Variants in TPTE observed in about 807,000 individuals in gnomAD.
TPTE encodes transmembrane phosphatase with tensin homology, also known as putative tyrosine-protein phosphatase TPTE.
In TPTE, 59 loss-of-function variants were observed where a neutral mutation model predicts 84.1. The observed-to-expected ratio is 0.70, with a 90% confidence interval of 0.57 to 0.87. TPTE has a LOEUF of 0.87. Ranked by LOEUF, TPTE falls within the 40% of genes least tolerant of loss-of-function variation. The pLI, the probability that TPTE is intolerant of heterozygous loss-of-function variation, is 0.00. For missense variants in TPTE, 382 were observed against 659.6 expected (o/e 0.58, Z 4.61); for synonymous variants, 130 against 223.5 (o/e 0.58, Z 3.73).
chr21:10,583,451 A>G (rs528911148), intron 17 of TPTE, among the ~76,000 whole-genome samples: 1 of 152,416 alleles, frequency 6.6e-6, no homozygotes, highest in Non-Finnish European at 1.5e-5. Context: ...TCCCGATTGT[A>G]GTTCTTTGTG....
intron 10 of TPTE, among the ~76,000 whole-genome samples, chr21:10,562,348 C>A (rs1201077460): frequency 4.6e-5 from 7 of 152,300 alleles, no homozygotes; most frequent in Admixed American, 3.3e-4. Flanking sequence ...AATGCCCAGA[C>A]ACCAAAGAAC....
At chr21:10,522,740 A>ATT (rs2074006014) in intron 1 of TPTE, among the ~76,000 whole-genome samples, 1 of 152,308 alleles carries the variant, frequency 6.6e-6, no homozygotes, top group Admixed American at 6.5e-5. Flanking sequence ...CAAAATTTTA[A>ATT]TTCGCACATA....
At chr21:10,536,215 T>A (rs1394216031) in intron 3 of TPTE, among the ~76,000 whole-genome samples, 17 of 152,290 alleles carry the variant, frequency 1.1e-4, no homozygotes, top group Admixed American at 1.1e-3. Context: ...GAGGTGGAGG[T>A]TGCAGTGAGC....
chr21:10,576,831 A>G (rs1185703222), intron 14 of TPTE, among the ~76,000 whole-genome samples: 2 of 141,128 alleles, frequency 1.4e-5, no homozygotes, highest in African/African-American at 2.6e-5. Context: ...AAGGTTATAC[A>G]TATATACATA....
intron 17 of TPTE, among the ~76,000 whole-genome samples, chr21:10,584,350 T>A (rs1434139454): frequency 6.6e-6 from 1 of 152,264 alleles, no homozygotes; most frequent in Non-Finnish European, 1.5e-5. Context: ...TTTTTTTTTT[T>A]TTTTTTGAGG....
chr21:10,575,029 C>T (rs1462173967), intron 14 of TPTE, among the ~76,000 whole-genome samples: 2 of 152,312 alleles, frequency 1.3e-5, no homozygotes, highest in African/African-American at 2.4e-5. Context: ...CTTGGCACCT[C>T]ACAAGTTAAG....
chr21:10,589,487 G>A (rs1169649188), intron 17 of TPTE, among the ~76,000 whole-genome samples: 3 of 151,876 alleles, frequency 2.0e-5, no homozygotes, highest in Admixed American at 6.5e-5. Flanking sequence ...GGGGTAGGGG[G>A]ATTGGGGGCA....
Position 10,559,547 on chromosome 21 carries a change from A to G in TPTE, c.284+3A>G, listed in dbSNP as rs375461239. On this transcript the variant is annotated splice_donor_region_variant and intron_variant, in intron 9 of 23. Coordinates refer to ENST00000618007, the MANE Select transcript of TPTE (RefSeq NM_199261.4). ...ATTGTATCATCCTTTGCATTTGGGT[A>G]TGTGAGACATAGAAAACACCATGTA... The G allele has an allele frequency of 8.7e-5, 141 of 1,611,838 alleles. No homozygotes were observed. Among genetic ancestry groups the G allele is most frequent in the Non-Finnish European group, 1.1e-4 (132 of 1,179,740 alleles).
intron 7 of TPTE, among the ~76,000 whole-genome samples, chr21:10,551,588 CAG>C (rs1296918137): frequency 5.3e-5 from 8 of 152,280 alleles, no homozygotes; most frequent in African/African-American, 1.9e-4. Context: ...GAAGACCAAA[CAG>C]AAATAAACAC....
chr21:10,599,946 C>T (rs1333208974), intron 21 of TPTE, among the ~76,000 whole-genome samples: 1 of 152,296 alleles, frequency 6.6e-6, no homozygotes, highest in African/African-American at 2.4e-5. Context: ...CAGCCTCAAC[C>T]TCCTGAGCTC....
At chr21:10,572,472 AGGAAAT>A (rs2075065599) in intron 14 of TPTE, among the ~76,000 whole-genome samples, 1 of 151,252 alleles carries the variant, frequency 6.6e-6, no homozygotes, top group African/African-American at 2.4e-5. Context: ...AAAAAAAAAA[AGGAAAT>A]GTTAAAAACA....
At chr21:10,564,906 GA>G (rs1340714817) in intron 10 of TPTE, among the ~76,000 whole-genome samples, 2 of 152,426 alleles carry the variant, frequency 1.3e-5, no homozygotes, top group African/African-American at 4.8e-5. Flanking sequence ...ACTGAATGGG[GA>G]AAAAATGAAA....
intron 14 of TPTE, among the ~76,000 whole-genome samples, chr21:10,574,278 C>T (rs534346780): frequency 4.1e-4 from 63 of 152,314 alleles, no homozygotes; most frequent in Non-Finnish European, 5.7e-4. Context: ...TATCAGTTGC[C>T]GAGAGGTGGA....
intron 20 of TPTE, among the ~76,000 whole-genome samples, chr21:10,596,839 A>G (rs55980048): frequency 1.2e-4 from 16 of 134,344 alleles, no homozygotes; most frequent in Admixed American, 4.5e-4. Flanking sequence ...GTTTAGTTCT[A>G]CATTTCACTG....
At chr21:10,603,953 A>G (rs367756029) in intron 23 of TPTE, among the ~76,000 whole-genome samples, 1,985 of 148,762 alleles carry the variant, frequency 0.013, no homozygotes, top group African/African-American at 0.048. Flanking sequence ...AGCACCTTCA[A>G]TATGTCAGGT....
intron 11 of TPTE, among the ~76,000 whole-genome samples, chr21:10,569,173 G>A: frequency 6.6e-6 from 1 of 152,308 alleles, no homozygotes; most frequent in Non-Finnish European, 1.5e-5. Flanking sequence ...AGGGTGGTGA[G>A]CAGTTATATT....
At chr21:10,596,456 C>T (rs1179099870) in intron 20 of TPTE, among the ~76,000 whole-genome samples, 1 of 152,310 alleles carries the variant, frequency 6.6e-6, no homozygotes, top group Non-Finnish European at 1.5e-5. Context: ...TCAGAACCAC[C>T]TCTAGTTCAG....
At chr21:10,522,342 G>A (rs533400473) in intron 1 of TPTE, among the ~76,000 whole-genome samples, 241 of 152,190 alleles carry the variant, frequency 1.6e-3, no homozygotes, top group African/African-American at 5.3e-3. Context: ...GTCTCCGCCG[G>A]GAGCGGGGGT....
At chr21:10,524,499 A>G (rs1217621865) in intron 1 of TPTE, 81 bp from the exon 2 acceptor site, 25 of 152,750 alleles carry the variant, frequency 1.6e-4, no homozygotes, top group African/African-American at 6.0e-4. Flanking sequence ...TAAAAAAATG[A>G]AAAAAGGAAA....
Sources: gnomAD v4.1 joint callset for allele counts (sites outside exome capture counted in the v4.1 genomes callset) on GRCh38, gnomAD v4.1.1 for gene constraint, MANE v1.5 for transcripts, NCBI Gene and HGNC (gene_info 2026-07-23, HGNC 2026-07-21) for gene names.